The following BCOR variants were observed in gnomAD, a reference collection of about 807,000 sequenced individuals.
BCOR encodes the protein BCL6 corepressor, also known as BCL-6 corepressor.
A neutral mutation model predicts 86.7 loss-of-function variants in BCOR; 10 were observed. That is an observed-to-expected ratio of 0.12 (90% CI 0.07 to 0.20). BCOR has a LOEUF of 0.20. BCOR is among the 10% of genes least tolerant of loss of function. The pLI, the probability that BCOR is intolerant of heterozygous loss-of-function variation, is 1.00. For synonymous variants in BCOR, 611 were observed against 609.0 expected, an observed-to-expected ratio of 1.00 and a Z score of -0.05; for missense variants, 1,259 against 1,452.1, an observed-to-expected ratio of 0.87 and a Z score of 2.16.
intron 1 of BCOR, among the ~76,000 whole-genome samples, chrX:40,174,326 C>A (rs1938695250): frequency 9.0e-6 from 1 of 111,681 alleles, no homozygotes; most frequent in South Asian, 3.8e-4. Flanking sequence ...TCTGGGGCTT[C>A]CCCTTCACAG....
At chrX:40,120,266 G>T (rs1323852640) in intron 1 of BCOR, among the ~76,000 whole-genome samples, 1 of 111,142 alleles carries the variant, frequency 9.0e-6, no homozygotes, top group Non-Finnish European at 1.9e-5. Context: ...CGCTATGCCC[G>T]GAGCAGACAC....
rs1935736545 is a variant in BCOR, at chrX:40,075,142, T to A, written c.204A>T (p.Ala68=). The change falls in exon 4 of 15, where the codon GCA becomes GCT. Residue 68 remains alanine (A), a synonymous_variant. Transcript: ENST00000378444. ...GGCCAGTGCGGTCCATGCTCAGTGC[T>A]GCCAGGCCATCGATCCTATGGGCCG... ...ASTAHRIDGL[A]ALSMDRTGLI... The A allele has an allele frequency of 4.1e-6, 5 of 1,210,492 alleles. No individual in the cohort carries two copies. The highest frequency in any genetic ancestry group is 5.6e-6 in the Non-Finnish European group (5 of 895,159).
intron 1 of BCOR, among the ~76,000 whole-genome samples, chrX:40,123,456 G>A (rs766441482): frequency 4.5e-5 from 5 of 110,330 alleles, no homozygotes; most frequent in East Asian, 2.9e-4. Context: ...GGGTTCAAGC[G>A]ATTCTCCTGC....
chrX:40,117,278 A>C (rs1410279443), intron 1 of BCOR, among the ~76,000 whole-genome samples: 6 of 111,378 alleles, frequency 5.4e-5, no homozygotes, highest in Non-Finnish European at 1.1e-4. Context: ...GTCAGATCGC[A>C]CTGGGCCATT....
At chrX:40,094,386 C>T (rs1008810587) in intron 1 of BCOR, among the ~76,000 whole-genome samples, 1 of 112,766 alleles carries the variant, frequency 8.9e-6, no homozygotes, top group Non-Finnish European at 1.9e-5. Context: ...GCGGACAGAA[C>T]CCGGGGAGCG....
chrX:40,108,680 G>C (rs1490271138), intron 1 of BCOR, among the ~76,000 whole-genome samples: 5 of 113,198 alleles, frequency 4.4e-5, no homozygotes. Flanking sequence ...GAGTCGCCTC[G>C]GGCCTCAGCG....
intron 1 of BCOR, among the ~76,000 whole-genome samples, chrX:40,089,466 G>C (rs1936501934): frequency 8.9e-6 from 1 of 111,739 alleles, no homozygotes; most frequent in Non-Finnish European, 1.9e-5. Context: ...ACGAGGCAAA[G>C]AGTGTTTAAC....
chrX:40,170,507 C>T (rs1007808456), intron 1 of BCOR, among the ~76,000 whole-genome samples: 15 of 110,581 alleles, frequency 1.4e-4, no homozygotes, highest in Admixed American at 2.9e-4. Context: ...GCCACCTTGC[C>T]CGGCTAATTT....
At chrX:40,069,156 A>C (rs1414518320) in intron 6 of BCOR, among the ~76,000 whole-genome samples, 2 of 112,797 alleles carry the variant, frequency 1.8e-5, no homozygotes, top group African/African-American at 6.4e-5. Flanking sequence ...CAGTGGCAGC[A>C]GCAAGGACAA....
At chrX:40,158,299 T>TCC (rs1450281757) in intron 1 of BCOR, among the ~76,000 whole-genome samples, 2 of 111,873 alleles carry the variant, frequency 1.8e-5, no homozygotes, top group Admixed American at 9.3e-5. Context: ...TCGCCGCTTC[T>TCC]CCCCCGGACG....
intron 6 of BCOR, among the ~76,000 whole-genome samples, chrX:40,069,149 T>C (rs897551141): frequency 2.7e-5 from 3 of 112,646 alleles, no homozygotes; most frequent in Admixed American, 9.3e-5. Context: ...GAGATGGCAG[T>C]GGCAGCAGCA....
chrX:40,129,909 C>T (rs182231109), intron 1 of BCOR, among the ~76,000 whole-genome samples: 36 of 111,023 alleles, frequency 3.2e-4, no homozygotes, highest in African/African-American at 9.5e-4. Context: ...GGCGTGGTGG[C>T]GCACACCTGT....
At chrX:40,076,915 G>C (rs775581885) in intron 2 of BCOR, 56 of 328,036 alleles carry the variant, frequency 1.7e-4, no homozygotes, top group Non-Finnish European at 2.9e-4. Flanking sequence ...GACATGAAGT[G>C]GTAACACAGC....
upstream of BCOR, among the ~76,000 whole-genome samples, chrX:40,098,249 C>T (rs1389725376): frequency 9.1e-6 from 1 of 109,351 alleles, no homozygotes; most frequent in Non-Finnish European, 1.9e-5. Flanking sequence ...CGAGTTTCCC[C>T]GGCCGTCATC....
At chrX:40,116,465 C>G (rs952805448) in intron 1 of BCOR, among the ~76,000 whole-genome samples, 2 of 109,895 alleles carry the variant, frequency 1.8e-5, no homozygotes, top group Non-Finnish European at 3.8e-5. Context: ...CCACTGCACT[C>G]CAGCCTGGGC....
At position 40,072,339 on chromosome X, in the gene BCOR, G is replaced by C. The variant is rs1035354397; in HGVS notation, c.2997+10C>G. 15 of 1,203,150 alleles carry C rather than the reference G, an allele frequency of 1.2e-5. No individual in the cohort carries two copies. The highest frequency in any genetic ancestry group is 2.6e-4 in the Middle Eastern group (1 of 3,821). On this transcript the variant is annotated intron_variant, in intron 4 of 14. Coordinates refer to ENST00000378444, the MANE Select transcript of BCOR (RefSeq NM_001123385.2). ...GGTAAAGTAACTGAAATTCAGGTGG[G>C]GGGGCTCACCTGCAATGCCCGTTGC...
intron 1 of BCOR, among the ~76,000 whole-genome samples, chrX:40,172,906 A>C (rs1034538443): frequency 2.7e-5 from 3 of 112,268 alleles, no homozygotes; most frequent in Non-Finnish European, 5.7e-5. Flanking sequence ...GTCCCCAGTC[A>C]CCTCCGGCGG....
At chrX:40,133,793 G>C (rs1937631463) in intron 1 of BCOR, among the ~76,000 whole-genome samples, 1 of 111,267 alleles carries the variant, frequency 9.0e-6, no homozygotes, top group Non-Finnish European at 1.9e-5. Context: ...AACATCTGGG[G>C]AGTCTTTTCT....
chrX:40,102,085 C>T (rs1335128333), upstream of BCOR, among the ~76,000 whole-genome samples: 3 of 112,381 alleles, frequency 2.7e-5, no homozygotes, highest in Non-Finnish European at 3.8e-5. Flanking sequence ...ATCCTCCTCC[C>T]AGGATTTCAC....
Sources: gnomAD v4.1 joint callset for allele counts (sites outside exome capture counted in the v4.1 genomes callset) on GRCh38, gnomAD v4.1.1 for gene constraint, MANE v1.5 for transcripts, NCBI Gene and HGNC (gene_info 2026-07-23, HGNC 2026-07-21) for gene names.